The following SRSF8 variants were observed in gnomAD, a reference collection of about 807,000 sequenced individuals.
SRSF8 encodes serine and arginine rich splicing factor 8, also known as serine/arginine-rich splicing factor 8.
SRSF8 carries 3 observed loss-of-function variants against 2.0 expected under a neutral mutation model. The ratio of observed to expected loss-of-function variants is 1.47; its 90% CI spans 0.67 to 3.79. SRSF8 has a LOEUF of 3.79. SRSF8 is among the 30% of genes most tolerant of loss of function. SRSF8 has a pLI of 0.02. For missense variants in SRSF8, 408 were observed against 410.9 expected (o/e 0.99, Z 0.06); for synonymous variants, 162 against 170.7 (o/e 0.95, Z 0.40).
rs1468552585 is a variant in SRSF8 at position 95,070,928 on chromosome 11, T to G, written c.*2853T>G. The G allele has an allele frequency of 6.0e-6, 1 of 167,086 alleles. No homozygotes were observed. The highest frequency in any genetic ancestry group is 1.5e-5 in the Non-Finnish European group (1 of 68,110). 10.4% of individuals were successfully genotyped at this position (167,086 alleles called of 1,614,324 possible). A position where few individuals can be genotyped will look rare whatever the true frequency, so the allele number is the denominator to read the frequency against. ...GTGAGTTGGGGAAGACTGGGCGTGG[T>G]GATGGGTGTAGAAATTGAGAAAGGA... On this transcript the variant is annotated 3_prime_UTR_variant, in exon 1 of 1. Transcript: ENST00000587424.
rs782026560 is a variant in SRSF8 at position 95,067,194 on chromosome 11, G to A, written c.-33G>A. The A allele has an allele frequency of 2.1e-6, 3 of 1,422,240 alleles. No homozygotes were observed. The highest frequency in any genetic ancestry group is 3.1e-5 in the South Asian group (2 of 64,182). The allele number at this position is 1,422,240 out of a possible 1,614,324, so 88.1% of individuals were successfully genotyped here. On this transcript the variant is annotated 5_prime_UTR_variant, in exon 1 of 1. Transcript: ENST00000587424. ...TCGCACCGTCAGCGCCCAGAGCAGCGCCAGTTTCCGGGCCCGGGCTGCTCT... is the reference window on the plus strand; with the variant it reads ...TCGCACCGTCAGCGCCCAGAGCAGCACCAGTTTCCGGGCCCGGGCTGCTCT...
rs1858689955 is a variant in SRSF8 at position 95,068,594 on chromosome 11, G to A, written c.*519G>A. ...CCAAATTTGTATAAAGATTTTTCAT[G>A]TGAAAGGACTGGGGTTTTAGCAAAC... On this transcript the variant is annotated 3_prime_UTR_variant, in exon 1 of 1. Coordinates refer to ENST00000587424, the MANE Select transcript of SRSF8 (RefSeq NM_032102.4). The A allele has an allele frequency of 5.7e-6, 1 of 174,328 alleles. No individual in the cohort carries two copies. The highest frequency in any genetic ancestry group is 2.4e-5 in the African/African-American group (1 of 41,472). 10.8% of individuals were successfully genotyped at this position (174,328 alleles called of 1,614,324 possible).
rs1555107181 is a variant in SRSF8, at chr11:95,067,754, C to T, written c.528C>T (p.Ser176=). The change falls in exon 1 of 1, where the codon AGC becomes AGT. Residue 176 remains serine, a synonymous_variant. Coordinates refer to ENST00000587424, the MANE Select transcript of SRSF8 (RefSeq NM_032102.4). ...CGCGCTACAGCCGCTCTCCCTACAG[C>T]AGATCTCGCTACAGGGAATCTCGCT... ...SRSRYSRSPY[S]RSRYRESRYG... The T allele has an allele frequency of 6.2e-7, 1 of 1,613,950 alleles. No homozygotes were observed. Among genetic ancestry groups the T allele is most frequent in the African/African-American group, 1.3e-5 (1 of 74,952 alleles).
rs782497055 is a variant in SRSF8, at chr11:95,067,563, G to GGCTACGGACGGCGGAGCCGCA, written c.345_365dup (p.Tyr121_Ser127dup). ...GCCACGCGGCAGGTCCAGAGGCGGC[G>GGCTACGGACGGCGGAGCCGCA]GCTACGGACGGCGGAGCCGCAGCTA... On this transcript the variant is annotated inframe_insertion, in exon 1 of 1. Transcript: ENST00000587424. The GGCTACGGACGGCGGAGCCGCA allele has an allele frequency of 5.8e-5, 89 of 1,540,610 alleles. No individual in the cohort carries two copies. The highest frequency in any genetic ancestry group is 7.1e-5 in the Non-Finnish European group (81 of 1,143,994).
chr11:95,068,190 T>C lies in SRSF8; in HGVS notation c.*115T>C. The C allele has an allele frequency of 9.3e-7, 1 of 1,077,312 alleles. No individual in the cohort carries two copies. Among genetic ancestry groups the C allele is most frequent in the East Asian group, 2.6e-5 (1 of 38,442 alleles). The allele number at this position is 1,077,312 out of a possible 1,614,324, so 66.7% of individuals were successfully genotyped here. A position where few individuals can be genotyped will look rare whatever the true frequency, so the allele number is the denominator to read the frequency against. ...GAGGCTGCCTATTGAAAAGGTTGTG[T>C]CACACTTTTCTACCTTTTTGCCAGT... is the stretch of plus-strand genomic sequence containing the variant. On this transcript the variant is annotated 3_prime_UTR_variant, in exon 1 of 1. Coordinates refer to ENST00000587424, the MANE Select transcript of SRSF8 (RefSeq NM_032102.4).
chr11:95,068,335 G>T lies in SRSF8; in HGVS notation c.*260G>T. On this transcript the variant is annotated 3_prime_UTR_variant, in exon 1 of 1. Coordinates refer to ENST00000587424, the MANE Select transcript of SRSF8 (RefSeq NM_032102.4). ...TACGTTATTGGGTTTGGATATTTGA[G>T]GCAAAAATTTATTTTTATTTCTATA... 2.2e-6 allele frequency: 1 copy of T among 449,310 alleles called. No homozygotes were observed. The highest frequency in any genetic ancestry group is 4.2e-6 in the Non-Finnish European group (1 of 239,836). The allele number at this position is 449,310 out of a possible 1,614,324, so 27.8% of individuals were successfully genotyped here.
In SRSF8 at chr11:95,067,514, C is replaced by A; in HGVS notation, c.288C>A (p.Asp96Glu). 1.3e-6 allele frequency: 2 copies of A among 1,507,748 alleles called. No individual in the cohort carries two copies. The highest frequency in any genetic ancestry group is 1.8e-6 in the Non-Finnish European group (2 of 1,132,080). 93.4% of individuals were successfully genotyped at this position (1,507,748 alleles called of 1,614,324 possible). The stretch of plus-strand genomic sequence containing the variant: ...AGGTGGCGCGCTATGGCCGCCGGGA[C>A]CTGCCCCGCAGCCGCCAGGGAGAGC... ...RVQVARYGRR[D>E]LPRSRQGEPR... is the part of the protein sequence containing the mutation. The change falls in exon 1 of 1, where the codon GAC becomes GAA. Residue 96 changes from aspartate to glutamate, a missense_variant. Asp to Glu is a conservative substitution (Grantham distance 45). Around this residue, in one of 2 missense-constraint regions of SRSF8, gnomAD observed 346 missense variants for 316.5 expected, o/e 1.09. Transcript: ENST00000587424.
rs1010240471 is a variant in SRSF8 at position 95,067,384 on chromosome 11, C to A, written c.158C>A (p.Ala53Glu). ...ATCCCGCGGGAGCCCCACACCAAGG[C>A]GCCCCGGGGCTTCGCTTTCGTCCGC... ...VYIPREPHTKAPRGFAFVRFH... is the reference protein window; with the variant it reads ...VYIPREPHTKEPRGFAFVRFH... Residue 53 changes from alanine to glutamate, a missense_variant, in exon 1 of 1, where the codon GCG (alanine) becomes GAG (glutamate). By Grantham distance (107) the Ala-to-Glu change is moderately radical (BLOSUM62 -1). Coordinates refer to ENST00000587424, the MANE Select transcript of SRSF8 (RefSeq NM_032102.4). 1 of 1,591,682 alleles carries A rather than the reference C, an allele frequency of 6.3e-7. No individual in the cohort carries two copies.
rs1272049864 is a variant in SRSF8 at position 95,066,962 on chromosome 11, A to G, written c.-265A>G. Reference sequence around the variant, plus strand: ...TTAGGTTAGGATGTTGCCCAGGTACAAGGCCAGGATCTTCGGGGCCTGGCT... The same window carrying G: ...TTAGGTTAGGATGTTGCCCAGGTACGAGGCCAGGATCTTCGGGGCCTGGCT... On this transcript the variant is annotated 5_prime_UTR_variant, in exon 1 of 1. Coordinates refer to ENST00000587424, the MANE Select transcript of SRSF8 (RefSeq NM_032102.4). 1.3e-5 allele frequency among the ~76,000 whole-genome samples: 2 copies of G among 152,250 alleles called. No individual in the cohort carries two copies. Among genetic ancestry groups the G allele is most frequent in the African/African-American group, 4.8e-5 (2 of 41,470 alleles).
In SRSF8 at chr11:95,067,649, C is replaced by A; in HGVS notation, c.423C>A (p.Cys141Ter). 1 of 1,605,442 alleles carries A rather than the reference C, an allele frequency of 6.2e-7. No individual in the cohort carries two copies. Among genetic ancestry groups the A allele is most frequent in the Non-Finnish European group, 8.5e-7 (1 of 1,176,056 alleles). The part of the protein sequence containing the change: ...RHRSRSRGPS[C>*]SRSRSRSRYR... The stretch of plus-strand genomic sequence containing the variant: ...GCAGCCGATCCCGGGGTCCCAGCTG[C>A]TCCAGGTCCCGCAGCCGATCTCGCT... The change falls in exon 1 of 1, where the codon TGC becomes TGA. Residue 141 changes from cysteine to a stop codon, truncating the protein, a stop_gained. Transcript: ENST00000587424. LOFTEE classifies it low-confidence loss of function (END_TRUNC).
Position 95,067,817 on chromosome 11 carries a change from C to T in SRSF8, c.591C>T (p.Asn197=), listed in dbSNP as rs1555107193. ...GSHYSSSGYS[N]SRYSRYHSSR... The stretch of plus-strand genomic sequence containing the variant: ...ACTACAGCTCATCTGGTTACAGTAA[C>T]TCTCGCTACAGCCGATATCACAGCA... The change falls in exon 1 of 1, where the codon AAC becomes AAT. Residue 197 remains asparagine, a synonymous_variant. Coordinates refer to ENST00000587424, the MANE Select transcript of SRSF8 (RefSeq NM_032102.4). 6.2e-7 allele frequency: 1 copy of T among 1,614,034 alleles called. No homozygotes were observed. Among genetic ancestry groups the T allele is most frequent in the South Asian group, 1.1e-5 (1 of 91,090 alleles).
At position 95,067,566 on chromosome 11, in the gene SRSF8, T is replaced by A. The variant is rs782576125; in HGVS notation, c.340T>A (p.Tyr114Asn). 6.5e-7 allele frequency: 1 copy of A among 1,542,230 alleles called. No homozygotes were observed. Among genetic ancestry groups the A allele is most frequent in the South Asian group, 1.2e-5 (1 of 83,760 alleles). ...EPRGRSRGGG[Y>N]GRRSRSYGRR... is the part of the protein sequence containing the mutation. ...ACGCGGCAGGTCCAGAGGCGGCGGCTACGGACGGCGGAGCCGCAGCTACGG... is the reference window on the plus strand; with the variant it reads ...ACGCGGCAGGTCCAGAGGCGGCGGCAACGGACGGCGGAGCCGCAGCTACGG... Residue 114 changes from tyrosine (Y) to asparagine (N), a missense_variant, in exon 1 of 1, where the codon TAC (tyrosine) becomes AAC (asparagine). By Grantham distance (143) the Tyr-to-Asn change is moderately radical. Coordinates refer to ENST00000587424, the MANE Select transcript of SRSF8 (RefSeq NM_032102.4).
rs782456793 is a variant in SRSF8, at chr11:95,068,115, G to C, written c.*40G>C. The C allele has an allele frequency of 1.5e-5, 23 of 1,562,408 alleles. No homozygotes were observed. In the South Asian group the frequency reaches 2.7e-4, roughly 18 times the overall value. Reference sequence around the variant, plus strand: ...AGGAAGCAACGTGATGGAGGACTTGGGGGAAAAGGATCACATACTCAGTCT... The same window carrying C: ...AGGAAGCAACGTGATGGAGGACTTGCGGGAAAAGGATCACATACTCAGTCT... On this transcript the variant is annotated 3_prime_UTR_variant, in exon 1 of 1. Transcript: ENST00000587424.
rs1281161070 is a variant in SRSF8, at chr11:95,067,129, C to A, written c.-98C>A. On this transcript the variant is annotated 5_prime_UTR_variant, in exon 1 of 1. Transcript: ENST00000587424. ...CGCCTCTCCGCCCGGCCTTTCCCGG[C>A]GTCCCCACGCGGGGCGCAACCGCGA... 17 of 1,201,322 alleles carry A rather than the reference C, an allele frequency of 1.4e-5. No homozygotes were observed. The highest frequency in any genetic ancestry group is 1.9e-5 in the Non-Finnish European group (17 of 913,572). 74.4% of individuals were successfully genotyped at this position (1,201,322 alleles called of 1,614,324 possible).
Position 95,067,628 on chromosome 11 carries a change from C to G in SRSF8, c.402C>G (p.Ser134Arg). The stretch of plus-strand genomic sequence containing the variant: ...GCAGCCCCAGGCGGCGACACCGCAG[C>G]CGATCCCGGGGTCCCAGCTGCTCCA... ...RSRSPRRRHR[S>R]RSRGPSCSRS... The change falls in exon 1 of 1, where the codon AGC (serine) becomes AGG (arginine). Residue 134 changes from serine to arginine, a missense_variant. By Grantham distance (110) the Ser-to-Arg change is moderately radical. This residue lies in a region of SRSF8 where 346 missense variants were observed against 316.5 expected (regional missense o/e 1.09). Coordinates refer to ENST00000587424, the MANE Select transcript of SRSF8 (RefSeq NM_032102.4). The G allele has an allele frequency of 6.3e-7, 1 of 1,584,442 alleles. No individual in the cohort carries two copies.
In SRSF8 at chr11:95,068,416, TG is replaced by T. The variant is rs1555107321; in HGVS notation, c.*342del. On this transcript the variant is annotated 3_prime_UTR_variant, in exon 1 of 1. Coordinates refer to ENST00000587424, the MANE Select transcript of SRSF8 (RefSeq NM_032102.4). ...ATTGGTAACCTAATTTGTGGCCTCC[TG>T]ACTTTTAAGGAAACGTGTGCAGCCA... 12 of 262,302 alleles carry T rather than the reference TG, an allele frequency of 4.6e-5. No homozygotes were observed. Among genetic ancestry groups the T allele is most frequent in the South Asian group, 1.8e-4 (3 of 16,876 alleles). The allele number at this position is 262,302 out of a possible 1,614,324, so 16.2% of individuals were successfully genotyped here.
Position 95,067,780 on chromosome 11 carries a change from ACGG to A in SRSF8, c.558_560del (p.Gly187del). ...AGATCTCGCTACAGGGAATCTCGCT[ACGG>A]CGGATCTCACTACAGCTCATCTGGT... On this transcript the variant is annotated inframe_deletion, in exon 1 of 1. Transcript: ENST00000587424. 6.2e-7 allele frequency: 1 copy of A among 1,613,994 alleles called. No individual in the cohort carries two copies.
chr11:95,067,488 C>G lies in SRSF8; in HGVS notation c.262C>G (p.Gln88Glu), dbSNP rs782555429. ...AELDGRELRV[Q>E]VARYGRRDLP... ...GCTGGACGGACGCGAGCTGCGGGTG[C>G]AGGTGGCGCGCTATGGCCGCCGGGA... is the stretch of plus-strand genomic sequence containing the variant. Residue 88 changes from glutamine (Q) to glutamate (E), a missense_variant, in exon 1 of 1, where the codon CAG becomes GAG. Physicochemically the swap from Gln to Glu is conservative, Grantham distance 29. Coordinates refer to ENST00000587424, the MANE Select transcript of SRSF8 (RefSeq NM_032102.4). 1 of 1,478,842 alleles carries G rather than the reference C, an allele frequency of 6.8e-7. No homozygotes were observed. Among genetic ancestry groups the G allele is most frequent in the South Asian group, 1.3e-5 (1 of 78,482 alleles). The allele number at this position is 1,478,842 out of a possible 1,614,324, so 91.6% of individuals were successfully genotyped here.
rs1858729000 is a variant in SRSF8 at position 95,070,929 on chromosome 11, G to A, written c.*2854G>A. On this transcript the variant is annotated 3_prime_UTR_variant, in exon 1 of 1. Coordinates refer to ENST00000587424, the MANE Select transcript of SRSF8 (RefSeq NM_032102.4). ...TGAGTTGGGGAAGACTGGGCGTGGT[G>A]ATGGGTGTAGAAATTGAGAAAGGAA... is the stretch of plus-strand genomic sequence containing the variant. 1.2e-5 allele frequency: 2 copies of A among 167,228 alleles called. No individual in the cohort carries two copies. Among genetic ancestry groups the A allele is most frequent in the South Asian group, 2.1e-4 (1 of 4,826 alleles). The allele number at this position is 167,228 out of a possible 1,614,324, so 10.4% of individuals were successfully genotyped here.
Sources: allele counts gnomAD v4.1 joint callset (sites outside exome capture counted in the v4.1 genomes callset), GRCh38; gene constraint gnomAD v4.1.1; regional missense constraint gnomAD v4.1.1; transcripts MANE v1.5; gene names NCBI Gene and HGNC (gene_info 2026-07-23, HGNC 2026-07-21).